FLNC: variants seen among roughly 807,000 people sequenced by gnomAD.
The protein encoded by FLNC is filamin C.
A neutral mutation model predicts 254.3 loss-of-function variants in FLNC; 91 were observed. The observed-to-expected ratio is 0.36, with a 90% CI of 0.30 to 0.43. The LOEUF (loss-of-function observed/expected upper bound fraction) is 0.43. FLNC is among the 20% of genes least tolerant of loss of function. The probability of loss-of-function intolerance (pLI) is 1.00; values close to 1 mark genes in which losing one functional copy is unlikely to be tolerated. For missense variants in FLNC, 2,853 were observed against 3,802.6 expected, an observed-to-expected ratio of 0.75 and a Z score of 6.57; for synonymous variants, 1,430 against 1,577.2, an observed-to-expected ratio of 0.91 and a Z score of 2.21.
rs1184540221 is a variant in FLNC, at chr7:128,854,059, C to T, written c.6570C>T (p.Arg2190=). 1 of 1,613,140 alleles carries T rather than the reference C, an allele frequency of 6.2e-7. No individual in the cohort carries two copies. Among genetic ancestry groups the T allele is most frequent in the African/African-American group, 1.3e-5 (1 of 74,952 alleles). The part of the protein sequence containing the change: ...RSSHTYTRTE[R]TEISKTRGGE... ...GCCACACCTACACCCGCACGGAGCG[C>T]ACGGAGATCAGCAAGACGCGGGGCG... The change falls in exon 40 of 48, where the codon CGC becomes CGT. Residue 2190 remains arginine (R), a synonymous_variant. Transcript: ENST00000325888.
rs2128937827 is a variant in FLNC at position 128,849,489 on chromosome 7, A to G, written c.5110A>G (p.Ile1704Val). Residue 1704 changes from isoleucine (I) to valine (V), a missense_variant, in exon 30 of 48, where the codon ATC (isoleucine) becomes GTC (valine). Transcript: ENST00000325888. The part of the protein sequence containing the change: ...VVENHDGTFD[I>V]YYTAPEPGKY... ...TGAGAACCATGACGGTACCTTTGAC[A>G]TCTACTACACAGCGCCCGAGCCGGG... 1 of 1,614,174 alleles carries G rather than the reference A, an allele frequency of 6.2e-7. No homozygotes were observed. The highest frequency in any genetic ancestry group is 8.5e-7 in the Non-Finnish European group (1 of 1,180,028).
Position 128,856,241 on chromosome 7 carries a change from A to G in FLNC, c.7252-277A>G, listed in dbSNP as rs1440698640. Among the ~76,000 whole-genome samples the G allele has an allele frequency of 1.9e-4, 29 of 152,214 alleles. No individual in the cohort carries two copies. ...CCTCCGCCCTCAGCCTGCTTCACAC[A>G]GAGTGGGGCCCTTCCTTCCTCAGCC... On this transcript the variant is annotated intron_variant, in intron 43 of 47. Transcript: ENST00000325888. This position sits in a 1 kb window ranked among gnomAD's most constrained non-coding sequence, Gnocchi z 5.9.
In FLNC at chr7:128,854,272, C is replaced by G. The variant is rs529846596; in HGVS notation, c.6727+56C>G. The G allele has an allele frequency of 1.8e-5, 29 of 1,602,938 alleles. No homozygotes were observed. The African/African-American group carries it at 2.0e-4, about 11-fold the overall frequency. On this transcript the variant is annotated intron_variant, in intron 40 of 47. Transcript: ENST00000325888. ...CTCACGGCGGGATGGGAGGGTGCTGCGGACCAGGCTTGATGCTGGCAGACT... is the reference window on the plus strand; with the variant it reads ...CTCACGGCGGGATGGGAGGGTGCTGGGGACCAGGCTTGATGCTGGCAGACT...
At position 128,844,852 on chromosome 7, in the gene FLNC, C is replaced by T. The variant is rs765189701; in HGVS notation, c.3387C>T (p.Tyr1129=). 1.1e-5 allele frequency: 18 copies of T among 1,614,016 alleles called. No homozygotes were observed. The South Asian group carries it at 1.4e-4, about 13-fold the overall frequency. The part of the protein sequence containing the change: ...VSYLPTEPGE[Y]TINILFAEAH... ...ACCTGCCCACGGAGCCTGGCGAGTA[C>T]ACCATCAACATCCTGTTTGCTGAGG... The change falls in exon 21 of 48, where the codon TAC becomes TAT. Residue 1129 remains tyrosine (Y), a synonymous_variant. Transcript: ENST00000325888.
Position 128,853,506 on chromosome 7 carries a change from C to A in FLNC, c.6246C>A (p.Ser2082Arg). Residue 2082 changes from serine (S) to arginine (R), a missense_variant, in exon 38 of 48, where the codon AGC becomes AGA. Coordinates refer to ENST00000325888, the MANE Select transcript of FLNC (RefSeq NM_001458.5). ...GGLGLSIEGP[S>R]KVDINCEDME... ...TGGGGCTGAGTATTGAAGGCCCAAGCAAGGTGGACATCAACTGTGAGGACA... is the reference window on the plus strand; with the variant it reads ...TGGGGCTGAGTATTGAAGGCCCAAGAAAGGTGGACATCAACTGTGAGGACA... 6.2e-7 allele frequency: 1 copy of A among 1,614,082 alleles called. No individual in the cohort carries two copies. Among genetic ancestry groups the A allele is most frequent in the African/African-American group, 1.3e-5 (1 of 75,022 alleles).
At chr7:128,854,347 G>T in intron 40 of FLNC, 66 bp from the exon 41 acceptor site, 1 of 1,596,140 alleles carries the variant, frequency 6.3e-7, no homozygotes, top group Non-Finnish European at 8.5e-7. Flanking sequence ...TTTAACTGAT[G>T]GGGGAGGGAA....
intron 1 of FLNC, among the ~76,000 whole-genome samples, chr7:128,834,314 C>CG (rs1808007983): frequency 6.8e-6 from 1 of 146,532 alleles, no homozygotes; most frequent in Admixed American, 6.7e-5. Context: ...TCTAGGCGCC[C>CG]CCCCCCCCCA....
In FLNC at chr7:128,852,997, G is replaced by A. The variant is rs767748641; in HGVS notation, c.6174G>A (p.Gln2058=). The A allele has an allele frequency of 2.5e-6, 4 of 1,613,396 alleles. No homozygotes were observed. ...GKGLSEGHTF[Q]VAEFIVDTRN... ...GGCTTTCCGAGGGACACACATTCCA[G>A]GTGGCAGAGTTCATCGTGGACACTC... The change falls in exon 37 of 48, where the codon CAG becomes CAA. Residue 2058 remains glutamine (Q), a synonymous_variant. Coordinates refer to ENST00000325888, the MANE Select transcript of FLNC (RefSeq NM_001458.5).
At chr7:128,847,641 C>T in intron 24 of FLNC, 56 bp from the exon 25 acceptor site, 1 of 1,606,402 alleles carries the variant, frequency 6.2e-7, no homozygotes, top group East Asian at 2.2e-5. Context: ...GGCTCCTCAG[C>T]ATCAGGGGGA....
Position 128,851,260 on chromosome 7 carries a change from C to G in FLNC, c.5568C>G (p.Ala1856=), listed in dbSNP as rs1554400651. Residue 1856 remains alanine (A), a synonymous_variant, in exon 34 of 48, where the codon GCC becomes GCG. Transcript: ENST00000325888. ...GCCCCTTACAGTTCTATGTGGATGC[C>G]ATCAACAGCCGCCATGTCAGTGCCT... ...PGSPLQFYVD[A]INSRHVSAYG... 2 of 1,614,026 alleles carry G rather than the reference C, an allele frequency of 1.2e-6. No homozygotes were observed. The highest frequency in any genetic ancestry group is 3.3e-5 in the Admixed American group (2 of 60,012).
chr7:128,848,448 CA>C, intron 26 of FLNC, 112 bp from the exon 27 acceptor site: 3 of 1,155,052 alleles, frequency 2.6e-6, no homozygotes, highest in Non-Finnish European at 3.9e-6. Flanking sequence ...CCCTGCCCCA[CA>C]GTCCTCCCTC....
intron 21 of FLNC, among the ~76,000 whole-genome samples, 199 bp downstream of exon 21, chr7:128,845,454 C>T (rs528369150): frequency 1.3e-5 from 2 of 152,164 alleles, no homozygotes; most frequent in African/African-American, 4.8e-5. Context: ...TGGAGATTGG[C>T]CTCTGCTCTT....
At chr7:128,837,326 C>T in intron 3 of FLNC, 69 bp downstream of exon 3, 1 of 1,610,786 alleles carries the variant, frequency 6.2e-7, no homozygotes. Context: ...GTTTACCTGG[C>T]CAGGGTGCAG....
Position 128,842,427 on chromosome 7 carries a change from G to A in FLNC, c.2265+53G>A, listed in dbSNP as rs1327703655. On this transcript the variant is annotated intron_variant, in intron 14 of 47. Transcript: ENST00000325888. The surrounding 1 kb of genome is among the most constrained non-coding windows in gnomAD (Gnocchi z 5.4). Reference sequence around the variant, plus strand: ...CACCACCAGGGGTCCCTGAGGGAGGGCGGAACCCTCGCTGGAGTCCCTGTT... The same window carrying A: ...CACCACCAGGGGTCCCTGAGGGAGGACGGAACCCTCGCTGGAGTCCCTGTT... The A allele has an allele frequency of 1.2e-6, 2 of 1,611,864 alleles. No homozygotes were observed. The highest frequency in any genetic ancestry group is 3.3e-5 in the Admixed American group (2 of 59,986).
rs375957769 is a variant in FLNC at position 128,852,853 on chromosome 7, C to A, written c.6030C>A (p.Val2010=). ...HIGISFTPKE[V]GEHVVSVRKS... ...GGATCTCCTTCACCCCCAAGGAGGT[C>A]GGGGAGCACGTGGTGAGCGTGCGCA... Residue 2010 remains valine (V), a synonymous_variant, in exon 37 of 48, where the codon GTC becomes GTA. Coordinates refer to ENST00000325888, the MANE Select transcript of FLNC (RefSeq NM_001458.5). 1 of 1,613,838 alleles carries A rather than the reference C, an allele frequency of 6.2e-7. No homozygotes were observed. Among genetic ancestry groups the A allele is most frequent in the Non-Finnish European group, 8.5e-7 (1 of 1,180,026 alleles).
At chr7:128,850,627 A>G (rs1471748333) in intron 32 of FLNC, 144 bp downstream of exon 32, 10 of 1,219,182 alleles carry the variant, frequency 8.2e-6, no homozygotes, top group Non-Finnish European at 1.2e-5. Flanking sequence ...GGGCAGAGCC[A>G]GAACTCAGGT....
At chr7:128,849,008 C>T (rs1490551844) in intron 28 of FLNC, 26 bp downstream of exon 28, 1 of 1,607,356 alleles carries the variant, frequency 6.2e-7, no homozygotes. Context: ...CTGCCCGTGC[C>T]CTGCTCACCA....
In FLNC at chr7:128,856,383, G is replaced by A; in HGVS notation, c.7252-135G>A. On this transcript the variant is annotated intron_variant, in intron 43 of 47. Coordinates refer to ENST00000325888, the MANE Select transcript of FLNC (RefSeq NM_001458.5). This position sits in a 1 kb window ranked among gnomAD's most constrained non-coding sequence, Gnocchi z 5.9. Reference sequence around the variant, plus strand: ...CTCCTGCTCCCAGGCTGGGCTGGCAGGCAGGGGCCAGGCTGGGCATGGGGT... The same window carrying A: ...CTCCTGCTCCCAGGCTGGGCTGGCAAGCAGGGGCCAGGCTGGGCATGGGGT... 1 of 1,156,002 alleles carries A rather than the reference G, an allele frequency of 8.7e-7. No homozygotes were observed. Among genetic ancestry groups the A allele is most frequent in the South Asian group, 1.3e-5 (1 of 77,196 alleles). The allele number at this position is 1,156,002 out of a possible 1,614,324, so 71.6% of individuals were successfully genotyped here. A position where few individuals can be genotyped will look rare whatever the true frequency, so the allele number is the denominator to read the frequency against.
rs749891076 is a variant in FLNC, at chr7:128,857,136, T to C, written c.7580T>C (p.Ile2527Thr). ...GGTTGVSSEF[I>T]VNTLNAGSGA... is the part of the protein sequence containing the mutation. ...CCCCCAGGTGTGTCATCAGAGTTCA[T>C]CGTGAACACCCTGAATGCCGGCTCG... The change falls in exon 46 of 48, where the codon ATC becomes ACC. Residue 2527 changes from isoleucine (I) to threonine (T), a missense_variant. Around this residue, in one of 10 missense-constraint regions of FLNC, gnomAD observed 197 missense variants for 351.5 expected, o/e 0.56. Transcript: ENST00000325888. The surrounding 1 kb of genome is among the most constrained non-coding windows in gnomAD (Gnocchi z 4.5). The C allele has an allele frequency of 1.3e-5, 21 of 1,614,034 alleles. No homozygotes were observed. The highest frequency in any genetic ancestry group is 1.7e-5 in the Non-Finnish European group (20 of 1,180,016).
Sources: allele counts gnomAD v4.1 joint callset (sites outside exome capture counted in the v4.1 genomes callset), GRCh38; gene constraint gnomAD v4.1.1; regional missense constraint gnomAD v4.1.1; non-coding constraint Gnocchi (gnomAD v3.1); transcripts MANE v1.5; gene names NCBI Gene and HGNC (gene_info 2026-07-23, HGNC 2026-07-21).